JMJD7: variants seen among roughly 807,000 people sequenced by gnomAD.
JMJD7 encodes jumonji domain containing 7.
In JMJD7, 41 loss-of-function variants were observed where a neutral mutation model predicts 41.1. The ratio of observed to expected loss-of-function variants is 1.00; its 90% CI spans 0.78 to 1.30. The LOEUF is 1.30. Among genes scored for constraint, JMJD7 ranks in the 50% most tolerant of loss-of-function variants. JMJD7 has a pLI of 0.00. For missense variants in JMJD7, 480 were observed against 420.7 expected, an observed-to-expected ratio of 1.14 and a Z score of -1.23; for synonymous variants, 202 against 177.2, an observed-to-expected ratio of 1.14 and a Z score of -1.11.
intron 1 of JMJD7, among the ~76,000 whole-genome samples, chr15:41,833,414 A>ATATATATATATATTTTTTTTTT (rs1239528383): frequency 6.2e-5 from 2 of 32,012 alleles, no homozygotes; most frequent in African/African-American, 9.4e-5. Flanking sequence ...ATATATATAT[A>ATATATATATATATTTTTTTTTT]TTTTTTTTTT....
At chr15:41,836,976 T>C (rs2065331762) in intron 7 of JMJD7, 36 bp downstream of exon 7, 1 of 1,610,028 alleles carries the variant, frequency 6.2e-7, no homozygotes, top group Admixed American at 1.7e-5. Context: ...GGAGAGGCCC[T>C]GTCAAGGTCC....
rs1246056957 is a variant in JMJD7 at position 41,835,694 on chromosome 15, G to A, written c.529+50G>A. On this transcript the variant is annotated intron_variant, in intron 4 of 7. Transcript: ENST00000397299. ...TGGGGAAGGAGCAGGTTGGGGCAGA[G>A]GGAGGGAAGACGAGGCCAGGAGTGG... 1.9e-6 allele frequency: 3 copies of A among 1,588,856 alleles called. No individual in the cohort carries two copies. The East Asian group carries it at 6.8e-5, about 36-fold the overall frequency.
At chr15:41,830,472 G>A (rs2065213930) in intron 1 of JMJD7, among the ~76,000 whole-genome samples, 1 of 152,218 alleles carries the variant, frequency 6.6e-6, no homozygotes, top group African/African-American at 2.4e-5. Context: ...CGGGAACTGG[G>A]GACAAGTGGG....
Position 41,831,507 on chromosome 15 carries a change from G to A in JMJD7, c.65-3233G>A, listed in dbSNP as rs965439319. Among the ~76,000 whole-genome samples the A allele has an allele frequency of 3.3e-5, 5 of 152,206 alleles. No individual in the cohort carries two copies. The East Asian group carries it at 5.8e-4, about 18-fold the overall frequency. The stretch of plus-strand genomic sequence containing the variant: ...GTGGTAACCACCAAATGGAAACCAC[G>A]GCCTTTTGGCTCGACCTAGAGCATG... On this transcript the variant is annotated intron_variant, in intron 1 of 7. Coordinates refer to ENST00000397299, the MANE Select transcript of JMJD7 (RefSeq NM_001114632.2).
At chr15:41,831,396 T>G (rs2065228095) in intron 1 of JMJD7, among the ~76,000 whole-genome samples, 1 of 152,170 alleles carries the variant, frequency 6.6e-6, no homozygotes, top group South Asian at 2.1e-4. Flanking sequence ...GATCAGAAAG[T>G]AAAGGTGACT....
intron 3 of JMJD7, 72 bp downstream of exon 3, chr15:41,835,295 C>G: frequency 2.0e-6 from 3 of 1,528,708 alleles, no homozygotes; most frequent in Non-Finnish European, 2.6e-6. Context: ...GCCTGTTTGC[C>G]CTTAGGTGAT....
chr15:41,835,618 TG>T lies in JMJD7; in HGVS notation c.508del (p.Glu170ArgfsTer5). On this transcript the variant is annotated frameshift_variant, in exon 4 of 8. Transcript: ENST00000397299. LOFTEE classifies it high-confidence loss of function. Reference sequence around the variant, plus strand: ...ATGCCCGATGCTGTGAACTTCTGGCTGGGGGAGGCGGCTGCAGTGACTTCTT... The same window carrying T: ...ATGCCCGATGCTGTGAACTTCTGGCTGGGGAGGCGGCTGCAGTGACTTCTT... The part of the protein sequence containing the change: ...GKMPDAVNFW[L>X]GEAAAVTSLH... 1 of 1,613,848 alleles carries T rather than the reference TG, an allele frequency of 6.2e-7. No homozygotes were observed. The highest frequency in any genetic ancestry group is 8.5e-7 in the Non-Finnish European group (1 of 1,179,868).
chr15:41,836,785 C>T lies in JMJD7; in HGVS notation c.707C>T (p.Pro236Leu), dbSNP rs1567166751. 2 of 1,607,446 alleles carry T rather than the reference C, an allele frequency of 1.2e-6. No individual in the cohort carries two copies. The highest frequency in any genetic ancestry group is 1.7e-6 in the Non-Finnish European group (2 of 1,177,372). ...VVDEEAMEKV[P>L]WIPLDPLAPD... ...TGGCATCTGATGTGTTCCCAGGTGC[C>T]CTGGATCCCACTGGACCCCTTGGCG... The change falls in exon 7 of 8, where the codon CCC becomes CTC. Residue 236 changes from proline to leucine, a missense_variant. Physicochemically the swap from Pro to Leu is moderately conservative, Grantham distance 98. Transcript: ENST00000397299.
At position 41,835,163 on chromosome 15, in the gene JMJD7, G is replaced by T; in HGVS notation, c.412G>T (p.Glu138Ter). ...VQKQCSNLPS[E>*]LPQLLPDLES... ...GAAGCAGTGCTCCAACCTGCCCAGCGAGCTGCCCCAGCTGCTGCCTGATCT... is the reference window on the plus strand; with the variant it reads ...GAAGCAGTGCTCCAACCTGCCCAGCTAGCTGCCCCAGCTGCTGCCTGATCT... The change falls in exon 3 of 8, where the codon GAG becomes TAG. Residue 138 changes from glutamate to a stop codon, truncating the protein, a stop_gained. Coordinates refer to ENST00000397299, the MANE Select transcript of JMJD7 (RefSeq NM_001114632.2). LOFTEE classifies it high-confidence loss of function. The T allele has an allele frequency of 6.2e-7, 1 of 1,605,016 alleles. No individual in the cohort carries two copies.
At position 41,837,051 on chromosome 15, in the gene JMJD7, C is replaced by T; in HGVS notation, c.863-17C>T. On this transcript the variant is annotated splice_polypyrimidine_tract_variant and intron_variant, in intron 7 of 7. Coordinates refer to ENST00000397299, the MANE Select transcript of JMJD7 (RefSeq NM_001114632.2). ...AGAAGAGGGATCTTCATGCTCAGAT[C>T]CCCGTTCTTCCCACAGTGAATTTCT... 6.2e-7 allele frequency: 1 copy of T among 1,610,432 alleles called. No individual in the cohort carries two copies. The highest frequency in any genetic ancestry group is 1.3e-5 in the African/African-American group (1 of 74,966).
At chr15:41,836,645 C>T in intron 6 of JMJD7, 94 bp downstream of exon 6, 1 of 1,468,446 alleles carries the variant, frequency 6.8e-7, no homozygotes, top group South Asian at 1.4e-5. Flanking sequence ...TGGCACCTTG[C>T]TCTGAAAAGT....
chr15:41,835,762 C>T (rs1238314093), intron 4 of JMJD7, 118 bp downstream of exon 4: 6 of 1,297,530 alleles, frequency 4.6e-6, no homozygotes, highest in African/African-American at 1.5e-5. Flanking sequence ...TCTAAGATTT[C>T]TTTTGGCTTC....
At chr15:41,833,109 G>A (rs562743812) in intron 1 of JMJD7, among the ~76,000 whole-genome samples, 23 of 152,242 alleles carry the variant, frequency 1.5e-4, no homozygotes, top group Non-Finnish European at 3.2e-4. Flanking sequence ...GTGACAATAT[G>A]AGATTGTATT....
At position 41,835,174 on chromosome 15, in the gene JMJD7, G is replaced by A; in HGVS notation, c.423G>A (p.Gln141=). 6 of 1,603,216 alleles carry A rather than the reference G, an allele frequency of 3.7e-6. No individual in the cohort carries two copies. The highest frequency in any genetic ancestry group is 5.1e-6 in the Non-Finnish European group (6 of 1,179,950). The change falls in exon 3 of 8, where the codon CAG becomes CAA. Residue 141 remains glutamine (Q), a synonymous_variant. Coordinates refer to ENST00000397299, the MANE Select transcript of JMJD7 (RefSeq NM_001114632.2). ...QCSNLPSELP[Q]LLPDLESHVP... is the part of the protein sequence containing the mutation. ...CCAACCTGCCCAGCGAGCTGCCCCA[G>A]CTGCTGCCTGATCTGGAATCCCATG...
intron 1 of JMJD7, among the ~76,000 whole-genome samples, chr15:41,831,353 A>G (rs2065227668): frequency 6.6e-6 from 1 of 152,092 alleles, no homozygotes; most frequent in Admixed American, 6.5e-5. Context: ...ACTCAGTTAC[A>G]ATATTTGATC....
chr15:41,835,718 GGA>G, intron 4 of JMJD7, 74 bp downstream of exon 4: 1 of 1,541,614 alleles, frequency 6.5e-7, no homozygotes, highest in Non-Finnish European at 8.8e-7. Flanking sequence ...GGCCAGGAGT[GGA>G]GGGATGGCCC....
chr15:41,837,351 G>A lies in JMJD7; in HGVS notation c.*195G>A, dbSNP rs2065340597. 2 of 588,878 alleles carry A rather than the reference G, an allele frequency of 3.4e-6. No individual in the cohort carries two copies. Among genetic ancestry groups the A allele is most frequent in the Non-Finnish European group, 6.0e-6 (2 of 330,870 alleles). 36.5% of individuals were successfully genotyped at this position (588,878 alleles called of 1,614,324 possible). ...AAGGTGCCAGGCAGGTCTGGGTGAG[G>A]GTTCTCAGGAAGTTGCCACACAGGT... is the stretch of plus-strand genomic sequence containing the variant. On this transcript the variant is annotated 3_prime_UTR_variant, in exon 8 of 8. Transcript: ENST00000397299.
At position 41,836,487 on chromosome 15, in the gene JMJD7, C is replaced by T. The variant is rs776282325; in HGVS notation, c.638C>T (p.Pro213Leu). ...CCTTGGGCTCCAGAGCTGTACACGCCGGCAACCTACCAGCTAACTGAAGAG... is the reference window on the plus strand; with the variant it reads ...CCTTGGGCTCCAGAGCTGTACACGCTGGCAACCTACCAGCTAACTGAAGAG... Reference protein sequence around the residue: ...RPFIPYELYTPATYQLTEEGT... With the variant: ...RPFIPYELYTLATYQLTEEGT... Residue 213 changes from proline (P) to leucine (L), a missense_variant, in exon 6 of 8, where the codon CCG (proline) becomes CTG (leucine). By Grantham distance (98) the Pro-to-Leu change is moderately conservative (BLOSUM62 -3). Transcript: ENST00000397299. The T allele has an allele frequency of 1.3e-5, 21 of 1,587,438 alleles. No homozygotes were observed. Among genetic ancestry groups the T allele is most frequent in the Admixed American group, 1.8e-5 (1 of 55,402 alleles).
intron 1 of JMJD7, among the ~76,000 whole-genome samples, chr15:41,830,574 T>C (rs931796821): frequency 6.6e-6 from 1 of 151,966 alleles, no homozygotes; most frequent in Non-Finnish European, 1.5e-5. Flanking sequence ...ACCCCTGTGC[T>C]CTTGGGAGCT....
Sources: allele counts gnomAD v4.1 joint callset (sites outside exome capture counted in the v4.1 genomes callset), GRCh38; gene constraint gnomAD v4.1.1; transcripts MANE v1.5; gene names NCBI Gene and HGNC (gene_info 2026-07-23, HGNC 2026-07-21).